LHFPL3: variants seen among roughly 807,000 people sequenced by gnomAD.
LHFPL3 encodes LHFPL tetraspan subfamily member 3, also known as LHFPL tetraspan subfamily member 3 protein.
In LHFPL3, 5 loss-of-function variants were observed where a neutral mutation model predicts 19.3. The observed-to-expected ratio is 0.26, with a 90% CI of 0.14 to 0.54. LHFPL3 has a LOEUF of 0.54. Among genes scored for constraint, LHFPL3 ranks in the 20% least tolerant of loss-of-function variants. LHFPL3 has a pLI of 0.94. For synonymous variants in LHFPL3, 133 were observed against 126.2 expected (o/e 1.05, Z -0.36); for missense variants, 249 against 307.4 (o/e 0.81, Z 1.42).
intron 1 of LHFPL3, among the ~76,000 whole-genome samples, chr7:104,602,026 T>TC (rs931087087): frequency 2.2e-5 from 3 of 135,036 alleles, no homozygotes; most frequent in African/African-American, 8.4e-5. Context: ...TTTTCTTTTT[T>TC]TTTTTTTTTT....
intron 1 of LHFPL3, among the ~76,000 whole-genome samples, chr7:104,392,576 G>C (rs1791097562): frequency 6.6e-6 from 1 of 152,188 alleles, no homozygotes; most frequent in African/African-American, 2.4e-5. Context: ...TGTGCTGCTG[G>C]ATTTGGTTTG....
At chr7:104,466,341 A>G (rs1353392771) in intron 1 of LHFPL3, among the ~76,000 whole-genome samples, 1 of 152,222 alleles carries the variant, frequency 6.6e-6, no homozygotes, top group African/African-American at 2.4e-5. Flanking sequence ...TTGAAGGGCT[A>G]AAGTGCAGAA....
In LHFPL3 at chr7:104,341,718, A is replaced by AG. The variant is rs556378302; in HGVS notation, c.445+12495dup. ...CACCAGCCCCAGTTCACTTTGCTGA[A>AG]GACCCCTCCATTGTCGGCAGGATGG... On this transcript the variant is annotated intron_variant, in intron 1 of 2. Transcript: ENST00000424859. Among the ~76,000 whole-genome samples, 107 of 152,292 alleles carry AG rather than the reference A, an allele frequency of 7.0e-4. 2 individuals are homozygous for AG. The highest frequency in any genetic ancestry group is 2.4e-3 in the African/African-American group (98 of 41,558).
chr7:104,409,804 G>T (rs560342741), intron 1 of LHFPL3, among the ~76,000 whole-genome samples: 1 of 152,198 alleles, frequency 6.6e-6, no homozygotes, highest in Admixed American at 6.5e-5. Flanking sequence ...TTGTGTGTCT[G>T]ACAATGTCTC....
chr7:104,516,598 T>C (rs10252389), intron 1 of LHFPL3, among the ~76,000 whole-genome samples: 108,850 of 151,932 alleles, frequency 0.72, 39,670 homozygotes, highest in African/African-American at 0.84. Context: ...CAGTGAGATA[T>C]CCTCTCACAC....
chr7:104,764,473 T>C (rs1045394221), intron 2 of LHFPL3, among the ~76,000 whole-genome samples: 3 of 152,202 alleles, frequency 2.0e-5, no homozygotes, highest in Non-Finnish European at 4.4e-5. Context: ...ACCCAGCCAA[T>C]GGACAGTCCT....
chr7:104,745,197 G>C (rs1382416696), intron 2 of LHFPL3, among the ~76,000 whole-genome samples: 1 of 152,158 alleles, frequency 6.6e-6, no homozygotes, highest in Non-Finnish European at 1.5e-5. Flanking sequence ...GCAGGAGTCG[G>C]CTGCAGGGTT....
At chr7:104,840,474 C>CT (rs71155530) in intron 2 of LHFPL3, among the ~76,000 whole-genome samples, 116 of 65,582 alleles carry the variant, frequency 1.8e-3, no homozygotes, top group South Asian at 2.8e-3. Context: ...TTTTCTTTTC[C>CT]TTTTTTTTTT....
chr7:104,871,049 G>A (rs1208329914), intron 2 of LHFPL3, among the ~76,000 whole-genome samples: 2 of 152,140 alleles, frequency 1.3e-5, no homozygotes, highest in Admixed American at 6.6e-5. Context: ...ACCTAGTTTC[G>A]CTAAGCTATT....
rs568729742 is a variant in LHFPL3, at chr7:104,741,535, A to T, written c.682+4624A>T. ...CCTCTTTAAATATCTAACTAACTTA[A>T]TTTTTTTTTTTTTTCTTAGAGACAG... On this transcript the variant is annotated intron_variant, in intron 2 of 2. Transcript: ENST00000424859. Among the ~76,000 whole-genome samples, 41 of 141,544 alleles carry T rather than the reference A, an allele frequency of 2.9e-4. 1 individual carries two copies. Among genetic ancestry groups the T allele is most frequent in the Admixed American group, 1.6e-3 (23 of 14,130 alleles). 92.9% of individuals were successfully genotyped at this position (141,544 alleles called of 152,430 possible).
chr7:104,492,279 T>C (rs972807319), intron 1 of LHFPL3, among the ~76,000 whole-genome samples: 2 of 152,164 alleles, frequency 1.3e-5, no homozygotes, highest in African/African-American at 4.8e-5. Context: ...GGAAATAATA[T>C]CAGAATTCCA....
At chr7:104,376,221 G>GCA (rs1790711125) in intron 1 of LHFPL3, among the ~76,000 whole-genome samples, 4 of 152,194 alleles carry the variant, frequency 2.6e-5, no homozygotes. Context: ...CAGTTTGTGG[G>GCA]CACTTTTTGT....
At chr7:104,386,951 A>G (rs748783841) in intron 1 of LHFPL3, among the ~76,000 whole-genome samples, 1 of 152,204 alleles carries the variant, frequency 6.6e-6, no homozygotes, top group Non-Finnish European at 1.5e-5. Context: ...TTCAACAAAA[A>G]ATTACAAGAC....
At chr7:104,821,186 A>G (rs1280775574) in intron 2 of LHFPL3, among the ~76,000 whole-genome samples, 2 of 152,228 alleles carry the variant, frequency 1.3e-5, no homozygotes, top group African/African-American at 4.8e-5. Flanking sequence ...AGTCCCAAAG[A>G]AAATCTATTT....
intron 1 of LHFPL3, among the ~76,000 whole-genome samples, chr7:104,677,068 A>G (rs1465853382): frequency 6.6e-6 from 1 of 152,260 alleles, no homozygotes; most frequent in Non-Finnish European, 1.5e-5. Flanking sequence ...ACAATGTCAT[A>G]TAAGTAATAA....
At chr7:104,333,310 T>G (rs531176785) in intron 1 of LHFPL3, among the ~76,000 whole-genome samples, 7 of 152,332 alleles carry the variant, frequency 4.6e-5, no homozygotes, top group African/African-American at 1.7e-4. Context: ...GAACTTAAGG[T>G]TTTGTAGACA....
At chr7:104,632,843 T>C (rs1306805662) in intron 1 of LHFPL3, among the ~76,000 whole-genome samples, 1 of 152,130 alleles carries the variant, frequency 6.6e-6, no homozygotes, top group African/African-American at 2.4e-5. Context: ...TCAGTAGAGA[T>C]GAGGTTTTGC....
chr7:104,731,040 A>G (rs181524444), intron 1 of LHFPL3, among the ~76,000 whole-genome samples: 1,630 of 152,304 alleles, frequency 0.011, 25 homozygotes, highest in East Asian at 0.055. Flanking sequence ...AGGTTTGTCA[A>G]AGATCAGATA....
intron 1 of LHFPL3, among the ~76,000 whole-genome samples, chr7:104,593,042 G>T (rs1010664891): frequency 3.9e-5 from 6 of 152,130 alleles, no homozygotes; most frequent in Non-Finnish European, 5.9e-5. Flanking sequence ...ATTTCCTTCA[G>T]TTCTGCTCTG....
Sources: allele counts gnomAD v4.1 joint callset (sites outside exome capture counted in the v4.1 genomes callset), GRCh38; gene constraint gnomAD v4.1.1; transcripts MANE v1.5; gene names NCBI Gene and HGNC (gene_info 2026-07-23, HGNC 2026-07-21).